Variants in DLGAP2 observed in about 807,000 individuals in gnomAD.
DLGAP2 encodes disks large-associated protein 2.
A neutral mutation model predicts 100.3 loss-of-function variants in DLGAP2; 26 were observed. The ratio of observed to expected loss-of-function variants is 0.26; its 90% confidence interval spans 0.19 to 0.36. DLGAP2 has a LOEUF of 0.36. Among genes scored for constraint, DLGAP2 ranks in the 10% least tolerant of loss-of-function variants. The pLI, the probability that DLGAP2 is intolerant of heterozygous loss-of-function variation, is 1.00. For missense variants in DLGAP2, 1,858 were observed against 1,453.2 expected, an observed-to-expected ratio of 1.28 and a Z score of -4.53; for synonymous variants, 886 against 630.1, an observed-to-expected ratio of 1.41 and a Z score of -6.08.
intron 3 of DLGAP2, among the ~76,000 whole-genome samples, chr8:1,408,882 G>A (rs1264900625): frequency 6.6e-6 from 1 of 152,200 alleles, no homozygotes; most frequent in South Asian, 2.1e-4. Context: ...CTGGGCAGTG[G>A]TGGTCCATGA....
In DLGAP2 at chr8:1,668,691, G is replaced by A; in HGVS notation, c.2160+13G>A. 1 of 1,512,954 alleles carries A rather than the reference G, an allele frequency of 6.6e-7. No homozygotes were observed. The highest frequency in any genetic ancestry group is 8.9e-7 in the Non-Finnish European group (1 of 1,126,916). The allele number at this position is 1,512,954 out of a possible 1,614,324, so 93.7% of individuals were successfully genotyped here. The stretch of plus-strand genomic sequence containing the variant: ...CATCGGGATTCAGGTAGCTGCTCTT[G>A]GCCGCCCGTCAGGGCCTCGCTCCAC... On this transcript the variant is annotated intron_variant, in intron 9 of 14. Coordinates refer to ENST00000637795, the MANE Select transcript of DLGAP2 (RefSeq NM_001346810.2).
chr8:924,375 C>T (rs776036841), intron 2 of DLGAP2, among the ~76,000 whole-genome samples: 7 of 152,048 alleles, frequency 4.6e-5, no homozygotes, highest in Admixed American at 6.6e-5. Flanking sequence ...CAGATCCTCT[C>T]GGAGCCCTGG....
intron 3 of DLGAP2, among the ~76,000 whole-genome samples, chr8:1,265,392 C>G (rs1585206357): frequency 1.3e-5 from 2 of 152,156 alleles, no homozygotes; most frequent in South Asian, 2.1e-4. Flanking sequence ...GAAGTAGATA[C>G]TAGGATATCA....
chr8:987,218 C>T (rs144826272), intron 2 of DLGAP2, among the ~76,000 whole-genome samples: 22 of 152,222 alleles, frequency 1.4e-4, no homozygotes, highest in African/African-American at 4.8e-4. Context: ...GTGCCCTGGC[C>T]GGGGTCGCCT....
At chr8:1,606,856 T>C (rs1796816607) in intron 6 of DLGAP2, among the ~76,000 whole-genome samples, 1 of 152,114 alleles carries the variant, frequency 6.6e-6, no homozygotes, top group South Asian at 2.1e-4. Context: ...GCTAAGTTTT[T>C]GTATTTTTGG....
intron 2 of DLGAP2, among the ~76,000 whole-genome samples, chr8:1,163,009 G>C (rs1254531690): frequency 6.6e-6 from 1 of 152,228 alleles, no homozygotes; most frequent in Non-Finnish European, 1.5e-5. Context: ...ATCCACCTGG[G>C]AGCTTTGGTG....
At chr8:1,284,664 C>T (rs963284052) in intron 3 of DLGAP2, among the ~76,000 whole-genome samples, 3 of 152,166 alleles carry the variant, frequency 2.0e-5, no homozygotes, top group Non-Finnish European at 4.4e-5. Flanking sequence ...CTCTGTCACC[C>T]AGGTTGGAAT....
At chr8:1,670,615 G>C (rs929649107) in intron 10 of DLGAP2, among the ~76,000 whole-genome samples, 2 of 152,262 alleles carry the variant, frequency 1.3e-5, no homozygotes, top group Non-Finnish European at 2.9e-5. Context: ...GGGTCGCTGG[G>C]TGCGTGCTGG....
At chr8:1,146,582 CAT>C (rs758709771) in intron 2 of DLGAP2, among the ~76,000 whole-genome samples, 17 of 151,936 alleles carry the variant, frequency 1.1e-4, no homozygotes, top group African/African-American at 2.4e-4. Flanking sequence ...TGTGTATGCA[CAT>C]GTGTGTGCAC....
chr8:1,572,220 G>T (rs1178921062), intron 6 of DLGAP2, among the ~76,000 whole-genome samples: 4 of 113,154 alleles, frequency 3.5e-5, no homozygotes, highest in African/African-American at 3.6e-5. Flanking sequence ...GGGGGCATCT[G>T]ATGAGATGGA....
chr8:1,040,686 C>A (rs1231258366), intron 2 of DLGAP2, among the ~76,000 whole-genome samples: 2 of 145,784 alleles, frequency 1.4e-5, no homozygotes, highest in Non-Finnish European at 3.0e-5. Flanking sequence ...GGCTCGGTTT[C>A]CGTGGTCGGC....
At chr8:922,284 A>G (rs1449807628) in intron 2 of DLGAP2, among the ~76,000 whole-genome samples, 5 of 152,280 alleles carry the variant, frequency 3.3e-5, no homozygotes, top group Middle Eastern at 3.4e-3. Flanking sequence ...TGCTCACTTT[A>G]TTCTGAGAGA....
At chr8:790,828 C>G (rs2132639241) in intron 1 of DLGAP2, among the ~76,000 whole-genome samples, 1 of 152,208 alleles carries the variant, frequency 6.6e-6, no homozygotes, top group African/African-American at 2.4e-5. Flanking sequence ...TCACTGCAAC[C>G]TCGAACTCCT....
intron 3 of DLGAP2, among the ~76,000 whole-genome samples, chr8:1,390,639 G>A (rs548022499): frequency 1.5e-4 from 23 of 152,176 alleles, no homozygotes; most frequent in East Asian, 3.9e-4. Flanking sequence ...CTGCAGTCCC[G>A]TCCACCTCTC....
intron 2 of DLGAP2, among the ~76,000 whole-genome samples, chr8:985,867 C>T (rs998375410): frequency 6.6e-6 from 1 of 152,156 alleles, no homozygotes; most frequent in African/African-American, 2.4e-5. Context: ...CTCAGTCGAT[C>T]ACCTGACAAA....
At chr8:924,042 G>C (rs1386257502) in intron 2 of DLGAP2, among the ~76,000 whole-genome samples, 1 of 152,238 alleles carries the variant, frequency 6.6e-6, no homozygotes, top group Non-Finnish European at 1.5e-5. Context: ...TCACATGACA[G>C]CATCCATTGC....
intron 6 of DLGAP2, among the ~76,000 whole-genome samples, chr8:1,602,418 C>T (rs1796657781): frequency 6.6e-6 from 1 of 152,216 alleles, no homozygotes. Flanking sequence ...TATTAAGAAT[C>T]TCCAGCTTTA....
intron 5 of DLGAP2, among the ~76,000 whole-genome samples, chr8:1,550,669 C>G (rs955942637): frequency 3.9e-5 from 6 of 152,118 alleles, no homozygotes; most frequent in Non-Finnish European, 5.9e-5. Context: ...TTACCAAAGG[C>G]AAAAACAAAG....
intron 3 of DLGAP2, among the ~76,000 whole-genome samples, chr8:1,266,493 C>G (rs942903704): frequency 7.2e-5 from 11 of 152,120 alleles, no homozygotes; most frequent in African/African-American, 2.4e-4. Flanking sequence ...TAACTATTAC[C>G]AAAGCATAAG....
Sources: allele counts gnomAD v4.1 joint callset (sites outside exome capture counted in the v4.1 genomes callset), GRCh38; gene constraint gnomAD v4.1.1; transcripts MANE v1.5; gene names NCBI Gene and HGNC (gene_info 2026-07-23, HGNC 2026-07-21).